The following TNR variants were observed in gnomAD, a reference collection of about 807,000 sequenced individuals.
TNR encodes the protein tenascin R, also known as tenascin-R.
Under a neutral mutation model 150.4 loss-of-function variants are expected in TNR, and 45 were observed. The observed-to-expected ratio is 0.30, with a 90% CI of 0.24 to 0.38. TNR has a LOEUF of 0.38. Among genes scored for constraint, TNR ranks in the 10% least tolerant of loss-of-function variants. The pLI is 1.00. For synonymous variants in TNR, 687 were observed against 678.4 expected (o/e 1.01, Z -0.20); for missense variants, 1,544 against 1,759.1 (o/e 0.88, Z 2.19).
At chr1:175,739,152 G>T (rs1327567754) in intron 1 of TNR, among the ~76,000 whole-genome samples, 1 of 152,158 alleles carries the variant, frequency 6.6e-6, no homozygotes, top group Non-Finnish European at 1.5e-5. Context: ...CATTCTCAAA[G>T]GCAGGTGACC....
At chr1:175,640,185 A>G (rs1195958669) in intron 1 of TNR, among the ~76,000 whole-genome samples, 1 of 152,250 alleles carries the variant, frequency 6.6e-6, no homozygotes, top group East Asian at 1.9e-4. Flanking sequence ...TTATCCCTGT[A>G]TGCCTTCTAC....
At chr1:175,550,290 C>T (rs1660885798) in intron 1 of TNR, among the ~76,000 whole-genome samples, 1 of 152,084 alleles carries the variant, frequency 6.6e-6, no homozygotes, top group Non-Finnish European at 1.5e-5. Context: ...GCTGGACTCC[C>T]TAGAGTCCCC....
At chr1:175,328,163 A>G (rs1473786277) in intron 21 of TNR, among the ~76,000 whole-genome samples, 1 of 152,208 alleles carries the variant, frequency 6.6e-6, no homozygotes, top group Non-Finnish European at 1.5e-5. Flanking sequence ...TGATTGTGTG[A>G]TGAGTTACTT....
chr1:175,386,235 A>T lies in TNR; in HGVS notation c.1574T>A (p.Ile525Asn). 6.2e-7 allele frequency: 1 copy of T among 1,607,004 alleles called. No homozygotes were observed. The highest frequency in any genetic ancestry group is 8.5e-7 in the Non-Finnish European group (1 of 1,174,330). The change falls in exon 8 of 23, where the codon ATT becomes AAT. Residue 525 changes from isoleucine to asparagine, a missense_variant. This residue lies in a region of TNR where 1,254 missense variants were observed against 1,329.4 expected (regional missense o/e 0.94). Transcript: ENST00000367674. The stretch of plus-strand genomic sequence containing the variant: ...GAAATCGACTTTGGCTCGAGGGGGA[A>T]TCCACTCCACAAAAGCCACAGTGTC... ...VSDTVAFVEW[I>N]PPRAKVDFIL... is the part of the protein sequence containing the mutation.
intron 1 of TNR, among the ~76,000 whole-genome samples, chr1:175,628,837 C>T (rs1299915537): frequency 1.3e-5 from 2 of 152,230 alleles, no homozygotes; most frequent in African/African-American, 4.8e-5. Flanking sequence ...TTCCACTTGT[C>T]TATCAGATCC....
chr1:175,728,423 C>T lies in TNR; in HGVS notation c.-165+14803G>A, dbSNP rs536650673. Among the ~76,000 whole-genome samples, 11 of 152,294 alleles carry T rather than the reference C, an allele frequency of 7.2e-5. No individual in the cohort carries two copies. In the East Asian group the frequency reaches 7.7e-4, roughly 11 times the overall value. ...CAACATTAAAATTTGAGGGTCCTAA[C>T]GCCTGCTCTTCTGATCCTGTGTACC... On this transcript the variant is annotated intron_variant, in intron 1 of 22. Transcript: ENST00000367674.
At chr1:175,545,345 T>C (rs975578124) in intron 1 of TNR, among the ~76,000 whole-genome samples, 2 of 151,718 alleles carry the variant, frequency 1.3e-5, no homozygotes, top group South Asian at 2.1e-4. Flanking sequence ...GAATGGGAGG[T>C]GAGTGGGTGG....
chr1:175,527,598 T>C (rs1475679687), intron 2 of TNR, among the ~76,000 whole-genome samples: 1 of 152,194 alleles, frequency 6.6e-6, no homozygotes, highest in Admixed American at 6.5e-5. Flanking sequence ...CCCAGTTCAG[T>C]ATATCAAGTT....
At chr1:175,470,054 C>T (rs1208099226) in intron 2 of TNR, among the ~76,000 whole-genome samples, 1 of 152,070 alleles carries the variant, frequency 6.6e-6, no homozygotes, top group Non-Finnish European at 1.5e-5. Flanking sequence ...TTGGTATAAT[C>T]CACTGTGAAA....
chr1:175,662,495 C>T (rs890583833), intron 1 of TNR, among the ~76,000 whole-genome samples: 2 of 152,218 alleles, frequency 1.3e-5, no homozygotes, highest in Admixed American at 6.5e-5. Context: ...CCCAGCCAGG[C>T]CTAATGCTTC....
chr1:175,331,309 G>A (rs1481326649), intron 20 of TNR, among the ~76,000 whole-genome samples: 1 of 140,378 alleles, frequency 7.1e-6, no homozygotes, highest in East Asian at 2.4e-4. Flanking sequence ...TGTTGCCCAG[G>A]CTGGAGTGGA....
intron 2 of TNR, among the ~76,000 whole-genome samples, chr1:175,505,430 G>C (rs944886197): frequency 3.3e-5 from 5 of 152,206 alleles, no homozygotes; most frequent in Non-Finnish European, 5.9e-5. Context: ...GCCCTCCTCC[G>C]TTCCCCGGGG....
At chr1:175,372,005 GT>G (rs1652127828) in intron 9 of TNR, among the ~76,000 whole-genome samples, 1 of 151,878 alleles carries the variant, frequency 6.6e-6, no homozygotes, top group African/African-American at 2.4e-5. Context: ...GGTCATGGGG[GT>G]GGATCCCTCA....
chr1:175,576,849 C>A (rs1048521085), intron 1 of TNR, among the ~76,000 whole-genome samples: 1 of 152,182 alleles, frequency 6.6e-6, no homozygotes, highest in Non-Finnish European at 1.5e-5. Flanking sequence ...CTCTGTGCTC[C>A]CAATTCACAC....
intron 1 of TNR, among the ~76,000 whole-genome samples, chr1:175,669,860 T>A (rs1031212588): frequency 1.3e-5 from 2 of 152,226 alleles, no homozygotes; most frequent in African/African-American, 2.4e-5. Flanking sequence ...CCTTTACTGC[T>A]TCTGAGCATC....
intron 1 of TNR, among the ~76,000 whole-genome samples, chr1:175,662,699 C>T (rs1325138372): frequency 2.0e-5 from 3 of 152,120 alleles, no homozygotes; most frequent in South Asian, 2.1e-4. Context: ...ACCCAAAGAA[C>T]GTAGTTATTT....
At chr1:175,674,016 T>C (rs1558066498) in intron 1 of TNR, among the ~76,000 whole-genome samples, 1 of 152,120 alleles carries the variant, frequency 6.6e-6, no homozygotes, top group Non-Finnish European at 1.5e-5. Context: ...TGTGGAATAA[T>C]AGTGCTGTGT....
In TNR at chr1:175,674,861, A is replaced by AT. The variant is rs540667777; in HGVS notation, c.-165+68364dup. 1.1e-3 allele frequency among the ~76,000 whole-genome samples: 175 copies of AT among 152,250 alleles called. 1 individual carries two copies. Among genetic ancestry groups the AT allele is most frequent in the Non-Finnish European group, 1.9e-3 (128 of 68,014 alleles). On this transcript the variant is annotated intron_variant, in intron 1 of 22. Coordinates refer to ENST00000367674, the MANE Select transcript of TNR (RefSeq NM_003285.3). ...CAGAAAACCTGTCCTGCTGTGATGG[A>AT]TTTTTTAATTGGATTGTGACAAACA...
chr1:175,414,573 T>C (rs1011758065), intron 2 of TNR, among the ~76,000 whole-genome samples: 2 of 152,202 alleles, frequency 1.3e-5, no homozygotes, highest in African/African-American at 4.8e-5. Flanking sequence ...ATAATTATCA[T>C]GGCCAGCACC....
Sources: allele counts gnomAD v4.1 joint callset (sites outside exome capture counted in the v4.1 genomes callset), GRCh38; gene constraint gnomAD v4.1.1; regional missense constraint gnomAD v4.1.1; transcripts MANE v1.5; gene names NCBI Gene and HGNC (gene_info 2026-07-23, HGNC 2026-07-21).